Variants in ZZEF1 observed in about 807,000 individuals in gnomAD.
The protein encoded by ZZEF1 is zinc finger ZZ-type and EF-hand domain containing 1, also known as zinc finger ZZ-type and EF-hand domain-containing protein 1.
A neutral mutation model predicts 342.8 loss-of-function variants in ZZEF1; 157 were observed. The ratio of observed to expected loss-of-function variants is 0.46; its 90% CI spans 0.40 to 0.52. The LOEUF is 0.52. Ranked by LOEUF, ZZEF1 falls within the 20% of genes least tolerant of loss-of-function variation. ZZEF1 has a pLI of 0.00. For missense variants in ZZEF1, 3,480 were observed against 3,725.6 expected (o/e 0.93, Z 1.72); for synonymous variants, 1,505 against 1,429.1 (o/e 1.05, Z -1.20).
At chr17:4,109,516 A>C in intron 6 of ZZEF1, 137 bp downstream of exon 6, 1 of 822,682 alleles carries the variant, frequency 1.2e-6, no homozygotes, top group East Asian at 2.7e-5. Flanking sequence ...CACGAACAGG[A>C]AACACTAGGG....
intron 2 of ZZEF1, among the ~76,000 whole-genome samples, chr17:4,118,931 T>C (rs1032350459): frequency 6.6e-6 from 1 of 152,210 alleles, no homozygotes; most frequent in African/African-American, 2.4e-5. Flanking sequence ...ATGTCATCAG[T>C]GTCATGTACC....
chr17:4,044,753 G>C (rs974331986), intron 37 of ZZEF1, among the ~76,000 whole-genome samples: 1 of 151,894 alleles, frequency 6.6e-6, no homozygotes, highest in Non-Finnish European at 1.5e-5. Flanking sequence ...TCTTGACCTC[G>C]TGATCTGCCC....
chr17:4,013,743 C>T, intron 51 of ZZEF1, 129 bp from the exon 52 acceptor site: 1 of 1,068,868 alleles, frequency 9.4e-7, no homozygotes, highest in Non-Finnish European at 1.3e-6. Context: ...ATTTTAATAA[C>T]TGTGATCATT....
In ZZEF1 at chr17:4,021,273, C is replaced by T. The variant is rs369950767; in HGVS notation, c.7260G>A (p.Leu2420=). ...CCAGCTCTAGGTCTCCGTGCTCAGC[C>T]AAAGCGTTGATCTCCTTTTTTGAGG... ...LYSSKKEINA[L]AEHGDLELDE... The change falls in exon 45 of 55, where the codon TTG becomes TTA. Residue 2420 remains leucine, a synonymous_variant. Transcript: ENST00000381638. 4 of 1,614,020 alleles carry T rather than the reference C, an allele frequency of 2.5e-6. No homozygotes were observed. The East Asian group carries it at 8.9e-5, about 36-fold the overall frequency.
At chr17:4,020,502 G>A (rs1215389020) in intron 45 of ZZEF1, among the ~76,000 whole-genome samples, 2 of 150,822 alleles carry the variant, frequency 1.3e-5, no homozygotes, top group Non-Finnish European at 3.0e-5. Flanking sequence ...GCCACACCTG[G>A]CTAGTCTTAT....
chr17:4,076,767 A>T lies in ZZEF1; in HGVS notation c.3112-8T>A. 6.2e-7 allele frequency: 1 copy of T among 1,604,064 alleles called. No homozygotes were observed. Among genetic ancestry groups the T allele is most frequent in the Non-Finnish European group, 8.5e-7 (1 of 1,174,950 alleles). On this transcript the variant is annotated splice_region_variant and splice_polypyrimidine_tract_variant and intron_variant, in intron 20 of 54. Coordinates refer to ENST00000381638, the MANE Select transcript of ZZEF1 (RefSeq NM_015113.4). ...GTCCAGCAGGAAGATAACCTAATGG[A>T]AGATGGATGAAGCACTCAGCGTCCA...
At position 4,032,855 on chromosome 17, in the gene ZZEF1, G is replaced by T. The variant is rs780664081; in HGVS notation, c.6732C>A (p.Thr2244=). 1 of 1,614,198 alleles carries T rather than the reference G, an allele frequency of 6.2e-7. No individual in the cohort carries two copies. The highest frequency in any genetic ancestry group is 1.1e-5 in the South Asian group (1 of 91,086). Residue 2244 remains threonine, a synonymous_variant, in exon 41 of 55, where the codon ACC becomes ACA. Coordinates refer to ENST00000381638, the MANE Select transcript of ZZEF1 (RefSeq NM_015113.4). ...GGGGGAAGCCAACCAGCACGAGCAG[G>T]GTGAAGATGTTGGTGTGCTTCAGCT... ...PFQLKHTNIF[T]LLVLVGFPQV... is the part of the protein sequence containing the mutation.
chr17:4,012,326 T>C (rs771050185), intron 52 of ZZEF1, among the ~76,000 whole-genome samples: 3 of 152,214 alleles, frequency 2.0e-5, no homozygotes, highest in Admixed American at 6.5e-5. Flanking sequence ...ACGCTGCTTA[T>C]GGACTGACTA....
intron 42 of ZZEF1, among the ~76,000 whole-genome samples, chr17:4,027,611 T>TTTC (rs1712373752): frequency 1.3e-5 from 2 of 149,586 alleles, no homozygotes; most frequent in South Asian, 4.3e-4. Context: ...TTTTTTTTTT[T>TTTC]TTTAAAGAGA....
intron 52 of ZZEF1, among the ~76,000 whole-genome samples, chr17:4,012,662 C>A (rs897260896): frequency 1.3e-5 from 2 of 152,094 alleles, no homozygotes; most frequent in East Asian, 3.9e-4. Context: ...CTCCCTATAG[C>A]GCAAAAGGCA....
At chr17:4,133,513 C>T (rs563643111) in intron 1 of ZZEF1, among the ~76,000 whole-genome samples, 1 of 152,246 alleles carries the variant, frequency 6.6e-6, no homozygotes, top group East Asian at 1.9e-4. Context: ...CTGCTTTCCG[C>T]TCCTTTTGTC....
intron 54 of ZZEF1, 85 bp from the exon 55 acceptor site, chr17:4,007,055 G>A (rs2055817513): frequency 2.4e-6 from 3 of 1,247,798 alleles, no homozygotes; most frequent in Non-Finnish European, 3.3e-6. Context: ...GCTGAGCACT[G>A]AGGATGTGGG....
intron 14 of ZZEF1, among the ~76,000 whole-genome samples, chr17:4,087,112 C>T (rs1170912524): frequency 6.6e-6 from 1 of 152,148 alleles, no homozygotes; most frequent in East Asian, 1.9e-4. Context: ...GAACTCCTGA[C>T]CTTGTGATCC....
rs1225605760 is a variant in ZZEF1 at position 4,110,471 on chromosome 17, A to C, written c.1067-608T>G. On this transcript the variant is annotated intron_variant, in intron 5 of 54. Coordinates refer to ENST00000381638, the MANE Select transcript of ZZEF1 (RefSeq NM_015113.4). ...TATTTGCTAGGGGTGAGACACAAAGACTCTACCTCCCTAGGCCTCAGTTCC... is the reference window on the plus strand; with the variant it reads ...TATTTGCTAGGGGTGAGACACAAAGCCTCTACCTCCCTAGGCCTCAGTTCC... 2.0e-5 allele frequency among the ~76,000 whole-genome samples: 3 copies of C among 151,918 alleles called. No homozygotes were observed. The East Asian group carries it at 5.8e-4, about 29-fold the overall frequency.
At chr17:4,124,179 T>C (rs2058537174) in intron 1 of ZZEF1, 128 bp from the exon 2 acceptor site, 6 of 1,183,664 alleles carry the variant, frequency 5.1e-6, no homozygotes, top group Non-Finnish European at 6.9e-6. Flanking sequence ...GAAGAGTCCA[T>C]ATGTATCAAC....
chr17:4,063,398 C>T (rs113394780), intron 29 of ZZEF1, among the ~76,000 whole-genome samples: 114 of 152,170 alleles, frequency 7.5e-4, no homozygotes, highest in African/African-American at 2.6e-3. Context: ...TAACATAGGG[C>T]GGCCATGTTT....
rs1193782821 is a variant in ZZEF1 at position 4,088,681 on chromosome 17, G to A, written c.2238C>T (p.Asp746=). ...CTAACAACTGAGGAAGCCCTACCAG[G>A]TCATGGGCGAGCTGCTGGATAAACT... ...TLQFIQQLAH[D]LVQQKESGLK... is the part of the protein sequence containing the mutation. The change falls in exon 13 of 55, where the codon GAC becomes GAT. Residue 746 remains aspartate, a synonymous_variant. Coordinates refer to ENST00000381638, the MANE Select transcript of ZZEF1 (RefSeq NM_015113.4). The A allele has an allele frequency of 6.2e-7, 1 of 1,613,590 alleles. No homozygotes were observed. Among genetic ancestry groups the A allele is most frequent in the Non-Finnish European group, 8.5e-7 (1 of 1,179,994 alleles).
chr17:4,083,637 CT>C (rs35907843), intron 16 of ZZEF1, among the ~76,000 whole-genome samples: 60,208 of 118,338 alleles, frequency 0.51, 14,968 homozygotes, highest in East Asian at 0.75. Context: ...GCTTTTGTTC[CT>C]TTTTTTTTTT....
rs1373482238 is a variant in ZZEF1 at position 4,076,676 on chromosome 17, C to T, written c.3195G>A (p.Leu1065=). The T allele has an allele frequency of 6.2e-7, 1 of 1,613,200 alleles. No individual in the cohort carries two copies. The highest frequency in any genetic ancestry group is 1.7e-5 in the Admixed American group (1 of 60,000). The change falls in exon 21 of 55, where the codon CTG becomes CTA. Residue 1065 remains leucine (L), a synonymous_variant. Coordinates refer to ENST00000381638, the MANE Select transcript of ZZEF1 (RefSeq NM_015113.4). The stretch of plus-strand genomic sequence containing the variant: ...CTTCGGGGCCACTACAGAGCTTCTT[C>T]AGGAGTTCTGTGAGGACGCTGAACT... ...LREFSVLTEL[L]KKLCSGPEGG... is the part of the protein sequence containing the mutation.
Sources: gnomAD v4.1 joint callset for allele counts (sites outside exome capture counted in the v4.1 genomes callset) on GRCh38, gnomAD v4.1.1 for gene constraint, MANE v1.5 for transcripts, NCBI Gene and HGNC (gene_info 2026-07-23, HGNC 2026-07-21) for gene names.